The following TGM3 variants were observed in gnomAD, a reference collection of about 807,000 sequenced individuals.
TGM3 encodes transglutaminase 3.
A neutral mutation model predicts 73.8 loss-of-function variants in TGM3; 52 were observed. That is an observed-to-expected ratio of 0.70 (90% CI 0.56 to 0.89). The LOEUF is 0.89. Among genes scored for constraint, TGM3 ranks in the 40% least tolerant of loss-of-function variants. The pLI is 0.00. For missense variants in TGM3, 928 were observed against 909.9 expected (o/e 1.02, Z -0.26); for synonymous variants, 372 against 354.9 (o/e 1.05, Z -0.54).
chr20:2,296,133 C>T (rs1169265729), intron 1 of TGM3, 63 bp downstream of exon 1: 2 of 1,544,102 alleles, frequency 1.3e-6, no homozygotes, highest in Admixed American at 2.0e-5. Context: ...CCTGGGCCAG[C>T]CTGCCAAGCC....
At chr20:2,302,201 G>A (rs552705102) in intron 1 of TGM3, among the ~76,000 whole-genome samples, 3 of 152,252 alleles carry the variant, frequency 2.0e-5, no homozygotes, top group South Asian at 4.1e-4. Context: ...GGAGATGGGA[G>A]CCCCATCACA....
chr20:2,312,098 C>T (rs775751521), intron 4 of TGM3, among the ~76,000 whole-genome samples: 9 of 152,226 alleles, frequency 5.9e-5, no homozygotes, highest in South Asian at 4.1e-4. Context: ...GTCTCAATAA[C>T]GTGCTCAAGA....
intron 11 of TGM3, 96 bp from the exon 12 acceptor site, chr20:2,339,758 A>AC (rs1283080275): frequency 1.3e-6 from 2 of 1,533,474 alleles, no homozygotes; most frequent in East Asian, 2.3e-5. Context: ...CAGTGACATC[A>AC]CCCCCTTCAC....
intron 5 of TGM3, 74 bp from the exon 6 acceptor site, chr20:2,316,994 C>G (rs2084236878): frequency 2.6e-6 from 4 of 1,552,902 alleles, no homozygotes; most frequent in Non-Finnish European, 1.8e-6. Context: ...ACCTTGTCCT[C>G]TGAATTCTGC....
chr20:2,331,950 C>T, intron 9 of TGM3, 52 bp from the exon 10 acceptor site: 1 of 1,556,664 alleles, frequency 6.4e-7, no homozygotes, highest in East Asian at 2.2e-5. Context: ...CTGTCCTTTG[C>T]CCAGGTTGCC....
intron 1 of TGM3, among the ~76,000 whole-genome samples, chr20:2,302,714 T>TTAAAAAAAAAAA (rs71329347): frequency 1.9e-5 from 2 of 105,260 alleles, no homozygotes; most frequent in Non-Finnish European, 3.8e-5. Flanking sequence ...AGAGGTTTTC[T>TTAAAAAAAAAAA]AAAAAAAAAA....
chr20:2,314,569 AC>A lies in TGM3; in HGVS notation c.669+1544del, dbSNP rs2084223760. Among the ~76,000 whole-genome samples, 3 of 135,338 alleles carry A rather than the reference AC, an allele frequency of 2.2e-5. No homozygotes were observed. The South Asian group carries it at 7.6e-4, about 34-fold the overall frequency. 88.8% of individuals were successfully genotyped at this position (135,338 alleles called of 152,430 possible). Reference sequence around the variant, plus strand: ...CACACACACACACACACACACACACACAGGAGCCAGGCATCGTGACACATGC... The same window carrying A: ...CACACACACACACACACACACACACAAGGAGCCAGGCATCGTGACACATGC... On this transcript the variant is annotated intron_variant, in intron 5 of 12. Transcript: ENST00000381458.
At position 2,328,256 on chromosome 20, in the gene TGM3, A is replaced by G. The variant is rs1319001607; in HGVS notation, c.1224A>G (p.Lys408=). Residue 408 remains lysine (K), a synonymous_variant, in exon 9 of 13, where the codon AAA becomes AAG. Coordinates refer to ENST00000381458, the MANE Select transcript of TGM3 (RefSeq NM_003245.4). This position sits in a 1 kb window ranked among gnomAD's most constrained non-coding sequence, Gnocchi z 5.2. ...ITWLYDNTTG[K]QWKNSVNSHT... The stretch of plus-strand genomic sequence containing the variant: ...GGCTGTACGACAACACCACTGGCAA[A>G]CAGTGGAAGAATTCCGTGAACAGTC... 1 of 1,614,214 alleles carries G rather than the reference A, an allele frequency of 6.2e-7. No individual in the cohort carries two copies. The highest frequency in any genetic ancestry group is 1.1e-5 in the South Asian group (1 of 91,088).
chr20:2,317,517 G>A (rs757859321), intron 7 of TGM3, 32 bp downstream of exon 7: 1 of 1,612,660 alleles, frequency 6.2e-7, no homozygotes. Context: ...TGAACTTCGA[G>A]CACCACATTT....
intron 7 of TGM3, among the ~76,000 whole-genome samples, chr20:2,319,213 A>C (rs1477390468): frequency 6.6e-6 from 1 of 152,182 alleles, no homozygotes; most frequent in East Asian, 1.9e-4. Context: ...TTTCTTCTAC[A>C]AAAGGAGATG....
chr20:2,338,442 TA>T (rs1407419917), intron 11 of TGM3, among the ~76,000 whole-genome samples: 1 of 152,162 alleles, frequency 6.6e-6, no homozygotes, highest in Admixed American at 6.6e-5. Flanking sequence ...CCCAATAGCA[TA>T]AAATTATGCT....
intron 8 of TGM3, among the ~76,000 whole-genome samples, chr20:2,327,864 T>C (rs935161231): frequency 6.6e-6 from 1 of 152,072 alleles, no homozygotes; most frequent in South Asian, 2.1e-4. Context: ...CCAAGGACAG[T>C]GGGTCAGCAT....
At position 2,332,788 on chromosome 20, in the gene TGM3, A is replaced by G. The variant is rs985365309; in HGVS notation, c.1642+478A>G. ...AGTCCAGAGCCACCCCCTGTTTTCT[A>G]TGTTGTATTGTTCTTACCCACCTCA... On this transcript the variant is annotated intron_variant, in intron 10 of 12. Coordinates refer to ENST00000381458, the MANE Select transcript of TGM3 (RefSeq NM_003245.4). The surrounding 1 kb of genome is among the most constrained non-coding windows in gnomAD (Gnocchi z 4.4). Among the ~76,000 whole-genome samples the G allele has an allele frequency of 2.6e-5, 4 of 152,064 alleles. No homozygotes were observed. The highest frequency in any genetic ancestry group is 9.7e-5 in the African/African-American group (4 of 41,386).
intron 1 of TGM3, among the ~76,000 whole-genome samples, chr20:2,307,065 C>T (rs886633638): frequency 1.3e-5 from 2 of 152,150 alleles, no homozygotes; most frequent in Non-Finnish European, 2.9e-5. Flanking sequence ...TTCAACAGAC[C>T]CTTGTTGATT....
chr20:2,328,030 G>T lies in TGM3; in HGVS notation c.1088-90G>T, dbSNP rs2122240950. The stretch of plus-strand genomic sequence containing the variant: ...AATTTGGGCGGGGCAGAGGCAGGGG[G>T]TTGCAGTGGTCCTGGAAGGCCCTGG... On this transcript the variant is annotated intron_variant, in intron 8 of 12. Coordinates refer to ENST00000381458, the MANE Select transcript of TGM3 (RefSeq NM_003245.4). The surrounding 1 kb of genome is among the most constrained non-coding windows in gnomAD (Gnocchi z 5.2). 1.3e-6 allele frequency: 2 copies of T among 1,569,202 alleles called. No homozygotes were observed. The highest frequency in any genetic ancestry group is 1.7e-6 in the Non-Finnish European group (2 of 1,151,262).
chr20:2,327,209 G>A (rs1003405168), intron 8 of TGM3, among the ~76,000 whole-genome samples: 1 of 152,064 alleles, frequency 6.6e-6, no homozygotes, highest in African/African-American at 2.4e-5. Context: ...AGTGGCTCAC[G>A]CCTGTAATCC....
rs778185848 is a variant in TGM3 at position 2,332,183 on chromosome 20, C to A, written c.1515C>A (p.Leu505=). ...AAGAAGTCAACCTGGTCCTACTGCT[C>A]AAAAACCTGAGCAGGGATACGAAGA... ...VGKEVNLVLL[L]KNLSRDTKTV... is the part of the protein sequence containing the mutation. The change falls in exon 10 of 13, where the codon CTC becomes CTA. Residue 505 remains leucine (L), a synonymous_variant. Coordinates refer to ENST00000381458, the MANE Select transcript of TGM3 (RefSeq NM_003245.4). This position sits in a 1 kb window ranked among gnomAD's most constrained non-coding sequence, Gnocchi z 4.4. 3 of 1,613,962 alleles carry A rather than the reference C, an allele frequency of 1.9e-6. No homozygotes were observed. The Admixed American group carries it at 5.0e-5, about 27-fold the overall frequency.
At chr20:2,315,369 C>T (rs557135372) in intron 5 of TGM3, among the ~76,000 whole-genome samples, 137 of 152,330 alleles carry the variant, frequency 9.0e-4, no homozygotes, top group Admixed American at 2.6e-3. Flanking sequence ...GAGGCTGGAG[C>T]ACCAGTGACT....
chr20:2,330,408 G>GGAT (rs1388321493), intron 9 of TGM3, among the ~76,000 whole-genome samples: 1 of 152,210 alleles, frequency 6.6e-6, no homozygotes, highest in African/African-American at 2.4e-5. Flanking sequence ...CTGGACTAGA[G>GGAT]GATGGGAAGG....
Sources: gnomAD v4.1 joint callset for allele counts (sites outside exome capture counted in the v4.1 genomes callset) on GRCh38, gnomAD v4.1.1 for gene constraint, Gnocchi (gnomAD v3.1) non-coding constraint, MANE v1.5 for transcripts, NCBI Gene and HGNC (gene_info 2026-07-23, HGNC 2026-07-21) for gene names.